Variants in OXCT1 observed in about 807,000 individuals in gnomAD.
OXCT1 encodes the protein 3-oxoacid CoA-transferase 1.
Under a neutral mutation model 69.6 loss-of-function variants are expected in OXCT1, and 27 were observed. That is an observed-to-expected ratio of 0.39 (90% CI 0.29 to 0.54). The LOEUF (loss-of-function observed/expected upper bound fraction) is 0.54. Among genes scored for constraint, OXCT1 ranks in the 20% least tolerant of loss-of-function variants. The pLI, the probability that OXCT1 is intolerant of heterozygous loss-of-function variation, is 0.72. For missense variants in OXCT1, 437 were observed against 650.2 expected (o/e 0.67, Z 3.57); for synonymous variants, 202 against 217.8 (o/e 0.93, Z 0.64).
At position 41,734,605 on chromosome 5, in the gene OXCT1, C is replaced by CATTTTG. The variant is rs1204390323; in HGVS notation, c.1522-2841_1522-2836dup. 2.0e-5 allele frequency among the ~76,000 whole-genome samples: 3 copies of CATTTTG among 152,280 alleles called. No homozygotes were observed. The East Asian group carries it at 5.8e-4, about 29-fold the overall frequency. ...AGCTTGTCAAGCTTTAATACGACAT[C>CATTTTG]ATTTTGATTCTTTAAATATTTGAGA... On this transcript the variant is annotated intron_variant, in intron 16 of 16. Coordinates refer to ENST00000196371, the MANE Select transcript of OXCT1 (RefSeq NM_000436.4).
intron 3 of OXCT1, among the ~76,000 whole-genome samples, chr5:41,854,034 G>A (rs145337059): frequency 6.6e-6 from 1 of 152,244 alleles, no homozygotes; most frequent in East Asian, 1.9e-4. Flanking sequence ...CTTCTAAAAA[G>A]GAGAGAGGGG....
chr5:41,823,447 CA>C (rs1747659906), intron 7 of OXCT1, among the ~76,000 whole-genome samples: 1 of 152,118 alleles, frequency 6.6e-6, no homozygotes, highest in Non-Finnish European at 1.5e-5. Flanking sequence ...AACAATTCAT[CA>C]ATTACAGTTT....
intron 15 of OXCT1, among the ~76,000 whole-genome samples, chr5:41,747,468 G>A (rs770035654): frequency 3.9e-5 from 6 of 152,126 alleles, no homozygotes; most frequent in Non-Finnish European, 8.8e-5. Flanking sequence ...AAACAATGGT[G>A]AGCCAGACAG....
intron 7 of OXCT1, among the ~76,000 whole-genome samples, chr5:41,812,173 G>T (rs761830400): frequency 7.2e-5 from 11 of 152,002 alleles, no homozygotes; most frequent in African/African-American, 1.2e-4. Flanking sequence ...AGAAATGACA[G>T]AAATTTTGAG....
chr5:41,853,585 G>A (rs1329372022), intron 3 of OXCT1, 31 bp from the exon 4 acceptor site: 1 of 1,610,886 alleles, frequency 6.2e-7, no homozygotes, highest in Non-Finnish European at 8.5e-7. Context: ...GCTTACCAAA[G>A]AGCATCTGAC....
At chr5:41,785,333 G>A (rs1745591488) in intron 13 of OXCT1, among the ~76,000 whole-genome samples, 3 of 152,120 alleles carry the variant, frequency 2.0e-5, no homozygotes, top group South Asian at 4.1e-4. Context: ...CAGGCTAGGG[G>A]GAACTGCCTA....
chr5:41,810,381 C>A lies in OXCT1; in HGVS notation c.733-2943G>T, dbSNP rs1018227525. 2.3e-4 allele frequency among the ~76,000 whole-genome samples: 35 copies of A among 151,994 alleles called. 1 individual carries two copies. The highest frequency in any genetic ancestry group is 5.9e-5 in the Non-Finnish European group (4 of 67,962). ...TAAAGAATAAAGGACAAAGGAAAAG[C>A]CTCAGGGCAAAGCAATGGGCAGATG... On this transcript the variant is annotated intron_variant, in intron 7 of 16. Transcript: ENST00000196371.
chr5:41,735,762 T>C (rs1430656116), intron 16 of OXCT1, among the ~76,000 whole-genome samples: 3 of 152,182 alleles, frequency 2.0e-5, no homozygotes, highest in Non-Finnish European at 2.9e-5. Context: ...TACCCTGACC[T>C]CCGGTGTGTC....
At chr5:41,869,796 G>A (rs1464453684) in intron 1 of OXCT1, among the ~76,000 whole-genome samples, 1 of 152,160 alleles carries the variant, frequency 6.6e-6, no homozygotes, top group Non-Finnish European at 1.5e-5. Context: ...GCAGAGCCAT[G>A]GCTAACCCAG....
intron 13 of OXCT1, among the ~76,000 whole-genome samples, chr5:41,774,612 AG>A (rs1745035829): frequency 6.6e-6 from 1 of 152,170 alleles, no homozygotes; most frequent in Admixed American, 6.5e-5. Context: ...AAATAAACAC[AG>A]GGCCAGGCAC....
Position 41,870,238 on chromosome 5 carries a change from A to G in OXCT1, c.78+43T>C. ...GCGGGCACCACTCAGGGTTTGGTCC[A>G]CGTTCTTCCTGCCCATGGCCTTCCT... On this transcript the variant is annotated intron_variant, in intron 1 of 16. Coordinates refer to ENST00000196371, the MANE Select transcript of OXCT1 (RefSeq NM_000436.4). The surrounding 1 kb of genome is among the most constrained non-coding windows in gnomAD (Gnocchi z 4.2). 1.3e-6 allele frequency: 2 copies of G among 1,493,178 alleles called. No individual in the cohort carries two copies. Among genetic ancestry groups the G allele is most frequent in the Non-Finnish European group, 1.9e-6 (2 of 1,070,130 alleles). 92.5% of individuals were successfully genotyped at this position (1,493,178 alleles called of 1,614,324 possible). A position where few individuals can be genotyped will look rare whatever the true frequency, so the allele number is the denominator to read the frequency against.
chr5:41,852,601 T>C (rs781532733), intron 4 of OXCT1, among the ~76,000 whole-genome samples: 2 of 152,186 alleles, frequency 1.3e-5, no homozygotes, highest in Non-Finnish European at 2.9e-5. Context: ...ACATAGAAAA[T>C]GAGTGAAAAG....
At chr5:41,848,943 TTAAAC>T (rs566805934) in intron 5 of OXCT1, among the ~76,000 whole-genome samples, 133 of 152,296 alleles carry the variant, frequency 8.7e-4, no homozygotes, top group African/African-American at 3.0e-3. Context: ...TGGGGTCTAA[TTAAAC>T]TAAAGAGCTT....
At chr5:41,774,525 T>C (rs1745032142) in intron 13 of OXCT1, among the ~76,000 whole-genome samples, 1 of 152,038 alleles carries the variant, frequency 6.6e-6, no homozygotes, top group Admixed American at 6.5e-5. Context: ...ACAAAAAGAA[T>C]GGAAGGACAA....
chr5:41,858,429 TTAATAC>T (rs1749553420), intron 3 of OXCT1, among the ~76,000 whole-genome samples: 1 of 152,164 alleles, frequency 6.6e-6, no homozygotes, highest in African/African-American at 2.4e-5. Context: ...TTATAGCTCT[TTAATAC>T]TAAAGACAAT....
At chr5:41,815,853 G>A (rs1466461932) in intron 7 of OXCT1, among the ~76,000 whole-genome samples, 1 of 152,126 alleles carries the variant, frequency 6.6e-6, no homozygotes, top group Non-Finnish European at 1.5e-5. Context: ...GGTTTTTACA[G>A]CTACAGAAAG....
chr5:41,766,864 A>T (rs895730651), intron 13 of OXCT1, among the ~76,000 whole-genome samples: 3 of 152,178 alleles, frequency 2.0e-5, no homozygotes, highest in Non-Finnish European at 2.9e-5. Flanking sequence ...GTAATGCTAT[A>T]TGCCATAGTA....
intron 13 of OXCT1, among the ~76,000 whole-genome samples, chr5:41,784,586 A>C (rs1745559193): frequency 1.3e-5 from 2 of 152,224 alleles, no homozygotes; most frequent in South Asian, 4.1e-4. Flanking sequence ...CAGAATGTGA[A>C]GCACATAAGA....
intron 7 of OXCT1, among the ~76,000 whole-genome samples, chr5:41,810,363 T>TA (rs1746908810): frequency 6.6e-6 from 1 of 152,000 alleles, no homozygotes; most frequent in Non-Finnish European, 1.5e-5. Context: ...TAATAAAGAA[T>TA]AAAGGACAAA....
Sources: allele counts gnomAD v4.1 joint callset (sites outside exome capture counted in the v4.1 genomes callset), GRCh38; gene constraint gnomAD v4.1.1; non-coding constraint Gnocchi (gnomAD v3.1); transcripts MANE v1.5; gene names NCBI Gene and HGNC (gene_info 2026-07-23, HGNC 2026-07-21).